The following PCDHGA4 variants were observed in gnomAD, a reference collection of about 807,000 sequenced individuals.
PCDHGA4 encodes the protein protocadherin gamma-A4.
A neutral mutation model predicts 54.6 loss-of-function variants in PCDHGA4; 38 were observed. The observed-to-expected ratio is 0.70, with a 90% CI of 0.54 to 0.91. PCDHGA4 has a LOEUF of 0.91. Among genes scored for constraint, PCDHGA4 ranks in the 40% least tolerant of loss-of-function variants. The probability of loss-of-function intolerance (pLI) is 0.00; values close to 1 mark genes in which losing one functional copy is unlikely to be tolerated. For missense variants in PCDHGA4, 1,298 were observed against 1,220.9 expected (o/e 1.06, Z -0.94); for synonymous variants, 511 against 512.9 (o/e 1.00, Z 0.05).
chr5:141,511,358 G>T lies in PCDHGA4; in HGVS notation c.*185G>T, dbSNP rs905197337. 1.5e-6 allele frequency: 2 copies of T among 1,355,398 alleles called. No homozygotes were observed. Among genetic ancestry groups the T allele is most frequent in the East Asian group, 2.5e-5 (1 of 39,588 alleles). The allele number at this position is 1,355,398 out of a possible 1,614,324, so 84.0% of individuals were successfully genotyped here. ...GCACCTACCCCTTCCCCCCCAGGGGGTTGAATATGCAAAAGCAGTTCCGCT... is the reference window on the plus strand; with the variant it reads ...GCACCTACCCCTTCCCCCCCAGGGGTTTGAATATGCAAAAGCAGTTCCGCT... On this transcript the variant is annotated 3_prime_UTR_variant, in exon 4 of 4. Coordinates refer to ENST00000571252, the MANE Select transcript of PCDHGA4 (RefSeq NM_018917.4).
At chr5:141,372,739 G>T (rs778027776) in intron 1 of PCDHGA4, 2 of 1,613,668 alleles carry the variant, frequency 1.2e-6, no homozygotes, top group South Asian at 2.2e-5. Context: ...GATCTTCTAT[G>T]TGATGAAGCC....
chr5:141,365,581 T>C (rs751305003), intron 1 of PCDHGA4: 49 of 1,613,586 alleles, frequency 3.0e-5, no homozygotes, highest in Middle Eastern at 1.6e-4. Context: ...AGACTTCAGA[T>C]TATAATATCA....
chr5:141,483,756 G>C (rs11739909), intron 1 of PCDHGA4, among the ~76,000 whole-genome samples: 24,641 of 152,020 alleles, frequency 0.16, 2,128 homozygotes, highest in African/African-American at 0.22. Context: ...GAGGATCGAG[G>C]CTTGGAAAAA....
At chr5:141,478,498 G>T in intron 1 of PCDHGA4, 1 of 1,612,710 alleles carries the variant, frequency 6.2e-7, no homozygotes, top group South Asian at 1.1e-5. Context: ...GCTGTGATCC[G>T]GTGTTCTATA....
chr5:141,428,891 G>A (rs1382228334), intron 1 of PCDHGA4: 3 of 149,832 alleles, frequency 2.0e-5, no homozygotes, highest in East Asian at 3.9e-4. Flanking sequence ...GTCTCGCTCT[G>A]TGGTCCAGGC....
At chr5:141,410,665 G>C (rs372651223) in intron 1 of PCDHGA4, 9 of 1,569,394 alleles carry the variant, frequency 5.7e-6, no homozygotes, top group Non-Finnish European at 7.7e-6. Flanking sequence ...TAGTCTACTA[G>C]TTTCTCATAT....
chr5:141,365,018 G>T, intron 1 of PCDHGA4: 1 of 1,613,880 alleles, frequency 6.2e-7, no homozygotes, highest in Non-Finnish European at 8.5e-7. Context: ...GCACATCCGT[G>T]TTACGGTCCT....
intron 1 of PCDHGA4, chr5:141,478,831 G>C: frequency 7.0e-7 from 1 of 1,435,672 alleles, no homozygotes; most frequent in Non-Finnish European, 9.1e-7. Flanking sequence ...ATCTTGCTAA[G>C]GGATGGTTAA....
At chr5:141,414,241 C>T in intron 1 of PCDHGA4, 1 of 1,613,472 alleles carries the variant, frequency 6.2e-7, no homozygotes, top group Non-Finnish European at 8.5e-7. Context: ...CATCACGTCT[C>T]TATTTAGTCC....
chr5:141,461,510 G>T (rs2099016853), intron 1 of PCDHGA4, among the ~76,000 whole-genome samples: 1 of 152,014 alleles, frequency 6.6e-6, no homozygotes, highest in Non-Finnish European at 1.5e-5. Context: ...TTGGTGATTT[G>T]TTAGTTCCTT....
At chr5:141,484,950 T>G in intron 1 of PCDHGA4, 1 of 561,950 alleles carries the variant, frequency 1.8e-6, no homozygotes, top group Non-Finnish European at 3.2e-6. Context: ...GCTCAGCCTA[T>G]TGGCTGAGCC....
intron 1 of PCDHGA4, 120 bp downstream of exon 1, chr5:141,357,741 T>C: frequency 1.6e-6 from 2 of 1,282,110 alleles, no homozygotes; most frequent in Non-Finnish European, 2.1e-6. Context: ...TTTTATTGCT[T>C]TAAAGAAAAC....
chr5:141,492,164 C>T (rs1180358388), intron 1 of PCDHGA4, among the ~76,000 whole-genome samples: 2 of 152,230 alleles, frequency 1.3e-5, no homozygotes, highest in East Asian at 1.9e-4. Context: ...CTCCCTATCC[C>T]CGCATCACCC....
intron 1 of PCDHGA4, chr5:141,378,164 A>G (rs772489747): frequency 6.6e-6 from 1 of 152,258 alleles, no homozygotes; most frequent in African/African-American, 2.4e-5. Context: ...GTTGTTAACA[A>G]TAACTAAGCA....
intron 1 of PCDHGA4, chr5:141,389,501 G>A (rs752472089): frequency 3.7e-6 from 6 of 1,613,066 alleles, no homozygotes; most frequent in Non-Finnish European, 5.1e-6. Context: ...GCTCGCCAGC[G>A]CTCAGCGCGA....
chr5:141,414,209 A>G (rs2095719803), intron 1 of PCDHGA4: 3 of 1,612,712 alleles, frequency 1.9e-6, no homozygotes, highest in South Asian at 2.2e-5. Flanking sequence ...GAAGATGTAA[A>G]TGACAACAGT....
At chr5:141,393,592 G>C in intron 1 of PCDHGA4, 1 of 1,613,908 alleles carries the variant, frequency 6.2e-7, no homozygotes, top group Non-Finnish European at 8.5e-7. Context: ...CCAGGCACGC[G>C]GCTGCTTACT....
At chr5:141,422,515 AGCCCGC>A in intron 1 of PCDHGA4, 1 of 1,614,044 alleles carries the variant, frequency 6.2e-7, no homozygotes, top group Non-Finnish European at 8.5e-7. Flanking sequence ...AGACCAGGGA[AGCCCGC>A]CTTTGTCTGC....
intron 2 of PCDHGA4, among the ~76,000 whole-genome samples, chr5:141,501,301 ACAC>A (rs1380901086): frequency 6.6e-6 from 1 of 150,882 alleles, no homozygotes; most frequent in African/African-American, 2.4e-5. Context: ...ACACACACAC[ACAC>A]ACACACACAC....
Sources: gnomAD v4.1 joint callset for allele counts (sites outside exome capture counted in the v4.1 genomes callset) on GRCh38, gnomAD v4.1.1 for gene constraint, MANE v1.5 for transcripts, NCBI Gene and HGNC (gene_info 2026-07-23, HGNC 2026-07-21) for gene names.